The following MRTFB variants were observed in gnomAD, a reference collection of about 807,000 sequenced individuals.
The protein encoded by MRTFB is myocardin-related transcription factor B.
MRTFB carries 29 observed loss-of-function variants against 104.2 expected under a neutral mutation model. The observed-to-expected ratio is 0.28, with a 90% CI of 0.21 to 0.38. The LOEUF (loss-of-function observed/expected upper bound fraction) is 0.38, where lower values mean the gene tolerates loss of function less well. Ranked by LOEUF, MRTFB falls within the 10% of genes least tolerant of loss-of-function variation. The pLI is 1.00. For synonymous variants in MRTFB, 535 were observed against 519.5 expected (o/e 1.03, Z -0.41); for missense variants, 1,270 against 1,341.6 (o/e 0.95, Z 0.83).
chr16:14,246,124 G>A (rs1252533521), intron 11 of MRTFB, among the ~76,000 whole-genome samples: 1 of 152,182 alleles, frequency 6.6e-6, no homozygotes, highest in Non-Finnish European at 1.5e-5. Flanking sequence ...TCATGGGGTC[G>A]TGTGAAGATG....
At position 14,264,334 on chromosome 16, in the gene MRTFB, A is replaced by G. The variant is rs541764435; in HGVS notation, c.*2890A>G. The stretch of plus-strand genomic sequence containing the variant: ...TGTATGTAGATAGTCAGATCATCCT[A>G]CTGGGGGTGGGATGAATTTAAAAGT... On this transcript the variant is annotated 3_prime_UTR_variant, in exon 17 of 17. Coordinates refer to ENST00000571589, the MANE Select transcript of MRTFB (RefSeq NM_001308142.2). 5 of 152,280 alleles carry G rather than the reference A, an allele frequency of 3.3e-5. No homozygotes were observed. The highest frequency in any genetic ancestry group is 2.6e-4 in the Admixed American group (4 of 15,290). 9.4% of individuals were successfully genotyped at this position (152,280 alleles called of 1,614,324 possible).
chr16:14,119,808 C>A (rs191942289), intron 2 of MRTFB, among the ~76,000 whole-genome samples: 2 of 152,028 alleles, frequency 1.3e-5, no homozygotes, highest in African/African-American at 4.8e-5. Context: ...AAAATAATGG[C>A]CTCGCATAGC....
intron 10 of MRTFB, chr16:14,240,731 T>A: frequency 1.3e-6 from 1 of 788,490 alleles, no homozygotes; most frequent in East Asian, 2.4e-5. Flanking sequence ...TTTTCACAAT[T>A]ATTCATCCAG....
At chr16:14,223,497 T>C (rs1184683416) in intron 8 of MRTFB, among the ~76,000 whole-genome samples, 1 of 151,930 alleles carries the variant, frequency 6.6e-6, no homozygotes, top group Non-Finnish European at 1.5e-5. Context: ...TTAGGAAAAC[T>C]ATATATGAAC....
chr16:14,065,181 G>A, the MRTFB span, among the ~76,000 whole-genome samples: 1 of 152,020 alleles, frequency 6.6e-6, no homozygotes, highest in African/African-American at 2.4e-5. Flanking sequence ...CCCCTCCCTG[G>A]GTAGCCGTAT....
chr16:14,030,390 A>G, the MRTFB span, among the ~76,000 whole-genome samples: 3 of 151,868 alleles, frequency 2.0e-5, no homozygotes, highest in Admixed American at 6.6e-5. Context: ...TGGTTCTGCT[A>G]TTTTCTTGCT....
At chr16:14,087,520 T>C (rs1431238249) in intron 2 of MRTFB, among the ~76,000 whole-genome samples, 1 of 152,222 alleles carries the variant, frequency 6.6e-6, no homozygotes, top group African/African-American at 2.4e-5. Flanking sequence ...TCCTCCCTTA[T>C]CATAGTTAGG....
chr16:14,181,205 T>G (rs2903463), intron 3 of MRTFB, among the ~76,000 whole-genome samples: 1 of 151,670 alleles, frequency 6.6e-6, no homozygotes, highest in Non-Finnish European at 1.5e-5. Context: ...TAAAAAAAAA[T>G]TTTTTTTTAA....
chr16:14,213,993 TTGTCTG>T (rs1310924989), intron 6 of MRTFB, among the ~76,000 whole-genome samples: 6 of 152,204 alleles, frequency 3.9e-5, no homozygotes, highest in Non-Finnish European at 7.3e-5. Flanking sequence ...TACTTGGACC[TTGTCTG>T]TGTCTAACTG....
chr16:14,155,269 A>G (rs955662476), intron 3 of MRTFB, among the ~76,000 whole-genome samples: 1 of 151,584 alleles, frequency 6.6e-6, no homozygotes, highest in Non-Finnish European at 1.5e-5. Context: ...ATCCCACCCA[A>G]TAAAAGTTTA....
At chr16:14,200,428 T>C (rs746633848) in intron 3 of MRTFB, 148 of 1,608,984 alleles carry the variant, frequency 9.2e-5, no homozygotes, top group Non-Finnish European at 1.1e-4. Context: ...AGACGACTAA[T>C]AGACCAAGAA....
intron 15 of MRTFB, among the ~76,000 whole-genome samples, chr16:14,257,475 G>A (rs541076334): frequency 2.0e-5 from 3 of 152,230 alleles, no homozygotes; most frequent in Admixed American, 6.5e-5. Flanking sequence ...TATGCTGGGT[G>A]AAAGAAGCTA....
At chr16:14,193,210 C>CAAA (rs10616011) in intron 3 of MRTFB, among the ~76,000 whole-genome samples, 21 of 56,434 alleles carry the variant, frequency 3.7e-4, no homozygotes, top group Admixed American at 6.0e-4. Context: ...GACCCTGTCT[C>CAAA]AAAAAAAAAA....
At chr16:14,149,910 T>C (rs1360546902) in intron 3 of MRTFB, among the ~76,000 whole-genome samples, 1 of 152,244 alleles carries the variant, frequency 6.6e-6, no homozygotes, top group African/African-American at 2.4e-5. Context: ...ACTAAATGTG[T>C]GGTGGCAGGC....
At chr16:14,075,883 T>C (rs75503212) in intron 1 of MRTFB, among the ~76,000 whole-genome samples, 8,438 of 152,236 alleles carry the variant, frequency 0.055, 811 homozygotes, top group African/African-American at 0.19. Flanking sequence ...TGCGAGGTGC[T>C]TTTAACATTT....
At chr16:14,065,182 G>C in the MRTFB span, among the ~76,000 whole-genome samples, 1 of 152,040 alleles carries the variant, frequency 6.6e-6, no homozygotes, top group Admixed American at 6.6e-5. Context: ...CCCTCCCTGG[G>C]TAGCCGTATT....
chr16:14,125,815 A>G (rs2037079783), intron 2 of MRTFB, among the ~76,000 whole-genome samples: 1 of 152,154 alleles, frequency 6.6e-6, no homozygotes, highest in Non-Finnish European at 1.5e-5. Context: ...TCTGAAAAAT[A>G]TTTCTCTTAA....
In MRTFB at chr16:14,265,504, T is replaced by A. The variant is rs556006403; in HGVS notation, c.*4060T>A. Reference sequence around the variant, plus strand: ...AGTCAAAACTGGAAAACAACTAAGATGTAGTAATTTTTTTTTCCTGGTTCA... The same window carrying A: ...AGTCAAAACTGGAAAACAACTAAGAAGTAGTAATTTTTTTTTCCTGGTTCA... On this transcript the variant is annotated 3_prime_UTR_variant, in exon 17 of 17. Transcript: ENST00000571589. The A allele has an allele frequency of 6.6e-6, 1 of 152,334 alleles. No homozygotes were observed. Among genetic ancestry groups the A allele is most frequent in the African/African-American group, 2.4e-5 (1 of 41,576 alleles). 9.4% of individuals were successfully genotyped at this position (152,334 alleles called of 1,614,324 possible). A position where few individuals can be genotyped will look rare whatever the true frequency, so the allele number is the denominator to read the frequency against.
chr16:13,996,386 T>C, the MRTFB span, among the ~76,000 whole-genome samples: 2 of 152,268 alleles, frequency 1.3e-5, no homozygotes, highest in South Asian at 4.1e-4. Flanking sequence ...CCCTCTACTC[T>C]ATGCCAGATA....
Sources: gnomAD v4.1 joint callset for allele counts (sites outside exome capture counted in the v4.1 genomes callset) on GRCh38, gnomAD v4.1.1 for gene constraint, MANE v1.5 for transcripts, NCBI Gene and HGNC (gene_info 2026-07-23, HGNC 2026-07-21) for gene names.